Variants in E2F6 observed in about 807,000 individuals in gnomAD.
The protein encoded by E2F6 is E2F transcription factor 6, also known as transcription factor E2F6.
E2F6 carries 19 observed loss-of-function variants against 31.5 expected under a neutral mutation model. That is an observed-to-expected ratio of 0.60 (90% CI 0.42 to 0.89). The LOEUF is 0.89. E2F6 is among the 40% of genes least tolerant of loss of function. The pLI is 0.00. For synonymous variants in E2F6, 121 were observed against 127.7 expected (o/e 0.95, Z 0.36); for missense variants, 269 against 341.6 (o/e 0.79, Z 1.67).
intron 1 of E2F6, among the ~76,000 whole-genome samples, chr2:11,460,653 G>A (rs1471834592): frequency 1.3e-5 from 2 of 152,106 alleles, no homozygotes; most frequent in Admixed American, 1.3e-4. Context: ...GTCATTAGGC[G>A]ATTTTGTTGC....
intron 5 of E2F6, among the ~76,000 whole-genome samples, chr2:11,449,630 T>C (rs185003712): frequency 9.5e-4 from 145 of 152,352 alleles, no homozygotes; most frequent in African/African-American, 3.4e-3. Flanking sequence ...CAAGAGTTTG[T>C]TAATTCCCCA....
chr2:11,447,676 A>G lies in E2F6; in HGVS notation c.750T>C (p.Gly250=). Residue 250 remains glycine, a synonymous_variant, in exon 6 of 7, where the codon GGT becomes GGC. Coordinates refer to ENST00000381525, the MANE Select transcript of E2F6 (RefSeq NM_198256.4). The stretch of plus-strand genomic sequence containing the variant: ...TGCTCTCAGATGAAGAGGTCCCGAC[A>G]CCTTCAGACCTTTTGTTACTGGTCT... ...QGQTSNKRSE[G]VGTSSSESTH... The G allele has an allele frequency of 6.2e-7, 1 of 1,612,016 alleles. No homozygotes were observed. The highest frequency in any genetic ancestry group is 2.2e-5 in the East Asian group (1 of 44,884).
At chr2:11,453,048 A>T (rs761539251) in intron 3 of E2F6, among the ~76,000 whole-genome samples, 16 of 152,224 alleles carry the variant, frequency 1.1e-4, no homozygotes, top group Non-Finnish European at 1.3e-4. Flanking sequence ...TCTAGGTACA[A>T]CAGCATTCTC....
chr2:11,450,125 G>A lies in E2F6; in HGVS notation c.538C>T (p.Leu180=), dbSNP rs750292850. Residue 180 remains leucine (L), a splice_region_variant and synonymous_variant, in exon 5 of 7, where the codon CTA becomes TTA. Transcript: ENST00000381525. The part of the protein sequence containing the change: ...ELTDDKENER[L]AYVTYQDIHS... ...ATGTCTTGATAGGTCACATATGCTAGTGTAAAACTCAGTCAAGGATCTCTA... is the reference window on the plus strand; with the variant it reads ...ATGTCTTGATAGGTCACATATGCTAATGTAAAACTCAGTCAAGGATCTCTA... 8 of 1,603,328 alleles carry A rather than the reference G, an allele frequency of 5.0e-6. No homozygotes were observed. The highest frequency in any genetic ancestry group is 4.0e-5 in the African/African-American group (3 of 74,568).
rs979720393 is a variant in E2F6, at chr2:11,451,912, C to T, written c.381-106G>A. 41 of 1,105,976 alleles carry T rather than the reference C, an allele frequency of 3.7e-5. No individual in the cohort carries two copies. In the South Asian group the frequency reaches 5.5e-4, roughly 15 times the overall value. The allele number at this position is 1,105,976 out of a possible 1,614,324, so 68.5% of individuals were successfully genotyped here. A position where few individuals can be genotyped will look rare whatever the true frequency, so the allele number is the denominator to read the frequency against. ...CCAAATGTTTGCCATAAGTGTTTTC[C>T]ACAACAATAGAAACTAGGGACTTTT... On this transcript the variant is annotated intron_variant, in intron 3 of 6. Transcript: ENST00000381525.
Position 11,447,595 on chromosome 2 carries a change from T to C in E2F6, c.799+32A>G, listed in dbSNP as rs534390088. The C allele has an allele frequency of 3.0e-4, 485 of 1,604,996 alleles. 2 individuals carry two copies. The South Asian group carries it at 4.6e-3, about 15-fold the overall frequency. Reference sequence around the variant, plus strand: ...ATTAATAAAATTATGCATGCTTAATTAAAATACTGTCAGAATCACTGGTAT... The same window carrying C: ...ATTAATAAAATTATGCATGCTTAATCAAAATACTGTCAGAATCACTGGTAT... On this transcript the variant is annotated intron_variant, in intron 6 of 6. Coordinates refer to ENST00000381525, the MANE Select transcript of E2F6 (RefSeq NM_198256.4).
At chr2:11,455,746 C>T (rs899919151) in intron 2 of E2F6, among the ~76,000 whole-genome samples, 1 of 152,160 alleles carries the variant, frequency 6.6e-6, no homozygotes, top group Non-Finnish European at 1.5e-5. Flanking sequence ...GAGGTCTTCA[C>T]ACCAAAGCAA....
chr2:11,457,275 C>G (rs768365268), intron 1 of E2F6, 42 bp from the exon 2 acceptor site: 6 of 1,212,984 alleles, frequency 4.9e-6, no homozygotes, highest in Admixed American at 1.8e-5. Context: ...GATTTTAAAA[C>G]AACAATGCAA....
chr2:11,451,002 A>G (rs1389479067), intron 4 of E2F6, among the ~76,000 whole-genome samples: 2 of 151,972 alleles, frequency 1.3e-5, no homozygotes, highest in Admixed American at 6.6e-5. Context: ...TGAGACACTG[A>G]GTTTCAAAGC....
At chr2:11,447,594 T>C (rs1304599471) in intron 6 of E2F6, 33 bp downstream of exon 6, 1 of 1,604,880 alleles carries the variant, frequency 6.2e-7, no homozygotes, top group Non-Finnish European at 8.5e-7. Context: ...GCATGCTTAA[T>C]TAAAATACTG....
chr2:11,450,266 G>GT lies in E2F6; in HGVS notation c.537-141dup, dbSNP rs542146892. 1.5e-3 allele frequency: 500 copies of GT among 344,464 alleles called. 5 individuals carry two copies. The highest frequency in any genetic ancestry group is 0.01 in the African/African-American group (459 of 44,792). The allele number at this position is 344,464 out of a possible 1,614,324, so 21.3% of individuals were successfully genotyped here. ...TACAAGTTCACCATTAAGGAAAGCA[G>GT]TAAAAAAAAAAAAAATTCATTGATA... is the stretch of plus-strand genomic sequence containing the variant. On this transcript the variant is annotated intron_variant, in intron 4 of 6. Transcript: ENST00000381525.
chr2:11,444,676 C>T lies in E2F6; in HGVS notation c.*1801G>A, dbSNP rs1670616190. On this transcript the variant is annotated 3_prime_UTR_variant, in exon 7 of 7. Transcript: ENST00000381525. ...CTGCTGTACTCTTTAGATGACCTCT[C>T]CTACTCTTGTGGCTTAAACTATCGC... 1 of 150,182 alleles carries T rather than the reference C, an allele frequency of 6.7e-6. No homozygotes were observed. The highest frequency in any genetic ancestry group is 1.5e-5 in the Non-Finnish European group (1 of 67,664). The allele number at this position is 150,182 out of a possible 1,614,324, so 9.3% of individuals were successfully genotyped here. A position where few individuals can be genotyped will look rare whatever the true frequency, so the allele number is the denominator to read the frequency against.
chr2:11,457,095 TC>T, intron 2 of E2F6, 83 bp downstream of exon 2: 1 of 1,064,882 alleles, frequency 9.4e-7, no homozygotes, highest in Non-Finnish European at 1.4e-6. Flanking sequence ...CAGTTTCTCA[TC>T]AACTCATACA....
At chr2:11,452,720 T>C (rs1376116208) in intron 3 of E2F6, among the ~76,000 whole-genome samples, 5 of 152,130 alleles carry the variant, frequency 3.3e-5, no homozygotes, top group Admixed American at 6.6e-5. Flanking sequence ...GGAAAATAAA[T>C]AGGGAAAGGT....
intron 1 of E2F6, among the ~76,000 whole-genome samples, chr2:11,465,381 TGG>T (rs1672097376): frequency 6.6e-6 from 1 of 151,788 alleles, no homozygotes; most frequent in South Asian, 2.1e-4. Flanking sequence ...AGCTGTGGCG[TGG>T]GAAATATAAA....
At chr2:11,451,397 C>A in intron 4 of E2F6, 1 of 194,750 alleles carries the variant, frequency 5.1e-6, no homozygotes, top group Non-Finnish European at 9.9e-6. Context: ...GTTGCCCAGA[C>A]TGGAGTGCAA....
chr2:11,457,533 G>C (rs540420076), intron 1 of E2F6, among the ~76,000 whole-genome samples: 1 of 152,340 alleles, frequency 6.6e-6, no homozygotes, highest in African/African-American at 2.4e-5. Context: ...TGTGGCAAGA[G>C]AATCGCTTGA....
At chr2:11,455,650 C>T (rs150074561) in intron 2 of E2F6, among the ~76,000 whole-genome samples, 2 of 152,182 alleles carry the variant, frequency 1.3e-5, no homozygotes, top group East Asian at 3.9e-4. Context: ...TCAGGATAAG[C>T]ATATTTCTAT....
At chr2:11,453,471 G>T (rs368944185) in intron 3 of E2F6, 111 bp downstream of exon 3, 4 of 994,670 alleles carry the variant, frequency 4.0e-6, no homozygotes, top group East Asian at 2.5e-5. Context: ...CTAACAAGAA[G>T]TCGTACCTTT....
Sources: gnomAD v4.1 joint callset for allele counts (sites outside exome capture counted in the v4.1 genomes callset) on GRCh38, gnomAD v4.1.1 for gene constraint, MANE v1.5 for transcripts, NCBI Gene and HGNC (gene_info 2026-07-23, HGNC 2026-07-21) for gene names.